Variants in KRT28 observed in about 807,000 individuals in gnomAD.
KRT28 encodes the protein keratin 28, also known as keratin, type I cytoskeletal 28.
Under a neutral mutation model 48.1 loss-of-function variants are expected in KRT28, and 45 were observed. The ratio of observed to expected loss-of-function variants is 0.94; its 90% CI spans 0.74 to 1.20. The LOEUF (loss-of-function observed/expected upper bound fraction) is 1.20. KRT28 is among the 50% of genes most tolerant of loss of function. The pLI is 0.00. For synonymous variants in KRT28, 228 were observed against 227.4 expected (o/e 1.00, Z -0.03); for missense variants, 571 against 574.1 (o/e 0.99, Z 0.06).
chr17:40,792,593 A>C, intron 7 of KRT28, 24 bp from the exon 8 acceptor site: 1 of 1,572,088 alleles, frequency 6.4e-7, no homozygotes, highest in Non-Finnish European at 8.6e-7. Context: ...ATAGGCATAC[A>C]TATATTCAAC....
chr17:40,794,968 A>G (rs1904578912), intron 5 of KRT28, among the ~76,000 whole-genome samples: 1 of 152,252 alleles, frequency 6.6e-6, no homozygotes, highest in African/African-American at 2.4e-5. Flanking sequence ...TTTACCTAGT[A>G]AATACATTTT....
chr17:40,798,932 T>G lies in KRT28; in HGVS notation c.518A>C (p.Asp173Ala), dbSNP rs760530871. 3 of 1,605,146 alleles carry G rather than the reference T, an allele frequency of 1.9e-6. No individual in the cohort carries two copies. The African/African-American group carries it at 4.0e-5, about 21-fold the overall frequency. Residue 173 changes from aspartate to alanine, a missense_variant, in exon 2 of 8, where the codon GAT (aspartate) becomes GCT (alanine). Physicochemically the swap from Asp to Ala is moderately radical, Grantham distance 126 (BLOSUM62 -2). Transcript: ENST00000306658. The part of the protein sequence containing the change: ...LQIDNARLAA[D>A]DFRLKYENEL... ...TGTCACTTACTTTAGCCTGAAATCA[T>G]CAGCAGCCAGTCTGGCATTATCAAT...
rs1198821641 is a variant in KRT28 at position 40,797,219 on chromosome 17, C to A, written c.753G>T (p.Pro251=). Residue 251 remains proline (P), a synonymous_variant, in exon 4 of 8, where the codon CCG becomes CCT. Transcript: ENST00000306658. ...GNVNVEMNAA[P]GVDLAVLLNN... ...TCAACAAAACCGCGAGGTCTACCCCCGGGGCCGCGTTCATCTCCACGTTCA... is the reference window on the plus strand; with the variant it reads ...TCAACAAAACCGCGAGGTCTACCCCAGGGGCCGCGTTCATCTCCACGTTCA... 2 of 1,614,068 alleles carry A rather than the reference C, an allele frequency of 1.2e-6. No homozygotes were observed. Among genetic ancestry groups the A allele is most frequent in the African/African-American group, 2.7e-5 (2 of 74,914 alleles).
In KRT28 at chr17:40,798,218, G is replaced by A. The variant is rs1207144045; in HGVS notation, c.690+17C>T. 4 of 1,593,012 alleles carry A rather than the reference G, an allele frequency of 2.5e-6. No individual in the cohort carries two copies. Among genetic ancestry groups the A allele is most frequent in the Non-Finnish European group, 2.6e-6 (3 of 1,162,504 alleles). ...TGTACAGAGTTGTGATTGGACTACA[G>A]GTAAAGCTTCTCCTACCTCTTCGTG... On this transcript the variant is annotated intron_variant, in intron 3 of 7. Coordinates refer to ENST00000306658, the MANE Select transcript of KRT28 (RefSeq NM_181535.3).
rs761689502 is a variant in KRT28, at chr17:40,792,412, T to C, written c.*15A>G. 1 of 1,600,978 alleles carries C rather than the reference T, an allele frequency of 6.2e-7. No individual in the cohort carries two copies. Among genetic ancestry groups the C allele is most frequent in the East Asian group, 2.2e-5 (1 of 44,636 alleles). The stretch of plus-strand genomic sequence containing the variant: ...AGGATCCTTTCCCAAATTATTCTTT[T>C]CTCTAAAATGACAGCTAGAAAGGAA... On this transcript the variant is annotated 3_prime_UTR_variant, in exon 8 of 8. Transcript: ENST00000306658.
Position 40,797,225 on chromosome 17 carries a change from C to T in KRT28, c.747G>A (p.Ala249=). ...AGGNVNVEMN[A]APGVDLAVLL... is the part of the protein sequence containing the mutation. ...AAACCGCGAGGTCTACCCCCGGGGC[C>T]GCGTTCATCTCCACGTTCACGTTGC... The change falls in exon 4 of 8, where the codon GCG becomes GCA. Residue 249 remains alanine (A), a synonymous_variant. Coordinates refer to ENST00000306658, the MANE Select transcript of KRT28 (RefSeq NM_181535.3). 1 of 1,614,132 alleles carries T rather than the reference C, an allele frequency of 6.2e-7. No individual in the cohort carries two copies. The highest frequency in any genetic ancestry group is 8.5e-7 in the Non-Finnish European group (1 of 1,180,026).
chr17:40,792,590 T>A, intron 7 of KRT28, 21 bp from the exon 8 acceptor site: 2 of 1,580,648 alleles, frequency 1.3e-6, no homozygotes, highest in Non-Finnish European at 1.7e-6. Context: ...AACATAGGCA[T>A]ACATATATTC....
In KRT28 at chr17:40,793,174, G is replaced by T. The variant is rs777612768; in HGVS notation, c.1233C>A (p.Ser411Arg). The T allele has an allele frequency of 1.9e-6, 3 of 1,566,340 alleles. No individual in the cohort carries two copies. The highest frequency in any genetic ancestry group is 2.6e-6 in the Non-Finnish European group (3 of 1,156,530). The change falls in exon 7 of 8, where the codon AGC becomes AGA. Residue 411 changes from serine (S) to arginine (R), a missense_variant. Coordinates refer to ENST00000306658, the MANE Select transcript of KRT28 (RefSeq NM_181535.3). ...TATTACCTTTAGATGAATTCCCAGGGCTTCCTGATCCAAAGCCCTTTGATT... is the reference window on the plus strand; with the variant it reads ...TATTACCTTTAGATGAATTCCCAGGTCTTCCTGATCCAAAGCCCTTTGATT... ...CSKSKGFGSG[S>R]PGNSSKDLSK...
In KRT28 at chr17:40,799,458, C is replaced by T. The variant is rs956787757; in HGVS notation, c.436G>A (p.Asp146Asn). ...TGATTTCTCACCTTATTCTTAAGAT[C>T]CTCAATTGTTAGGTGATATCTGCTA... ...DYSRYHLTIE[D>N]LKNKIISSTT... The change falls in exon 1 of 8, where the codon GAT (aspartate) becomes AAT (asparagine). Residue 146 changes from aspartate (D) to asparagine (N), a missense_variant. Asp to Asn is a conservative substitution (Grantham distance 23). Coordinates refer to ENST00000306658, the MANE Select transcript of KRT28 (RefSeq NM_181535.3). 3.1e-6 allele frequency: 5 copies of T among 1,603,016 alleles called. No homozygotes were observed. In the African/African-American group the frequency reaches 5.4e-5, roughly 17 times the overall value.
intron 2 of KRT28, 62 bp from the exon 3 acceptor site, chr17:40,798,453 C>A (rs1904673252): frequency 4.6e-6 from 7 of 1,523,424 alleles, no homozygotes; most frequent in Non-Finnish European, 5.3e-6. Flanking sequence ...CAGAAATATT[C>A]AATCCCAATT....
Position 40,799,474 on chromosome 17 carries a change from A to G in KRT28, c.420T>C (p.Tyr140=), listed in dbSNP as rs1199254649. The G allele has an allele frequency of 6.2e-7, 1 of 1,610,258 alleles. No individual in the cohort carries two copies. ...CRGLDHDYSR[Y]HLTIEDLKNK... ...TCTTAAGATCCTCAATTGTTAGGTG[A>G]TATCTGCTATAGTCATGATCAAGTC... Residue 140 remains tyrosine (Y), a synonymous_variant, in exon 1 of 8, where the codon TAT becomes TAC. Coordinates refer to ENST00000306658, the MANE Select transcript of KRT28 (RefSeq NM_181535.3).
In KRT28 at chr17:40,798,996, T is replaced by C. The variant is rs1348728742; in HGVS notation, c.454A>G (p.Ile152Val). Residue 152 changes from isoleucine (I) to valine (V), a missense_variant, in exon 2 of 8, where the codon ATC becomes GTC. Transcript: ENST00000306658. ...LTIEDLKNKI[I>V]SSTTTNANVI... ...TTAGCATTAGTAGTAGTGGAGGAGATAATCTAGAATAAACCAAAACAGAGA... is the reference window on the plus strand; with the variant it reads ...TTAGCATTAGTAGTAGTGGAGGAGACAATCTAGAATAAACCAAAACAGAGA... 1.3e-6 allele frequency: 2 copies of C among 1,581,204 alleles called. No homozygotes were observed. The highest frequency in any genetic ancestry group is 3.4e-5 in the Admixed American group (2 of 58,156).
intron 5 of KRT28, among the ~76,000 whole-genome samples, chr17:40,796,347 A>G (rs1313369383): frequency 6.6e-6 from 1 of 152,238 alleles, no homozygotes; most frequent in African/African-American, 2.4e-5. Context: ...GGTATGCCCA[A>G]GTGGCTGAAG....
At chr17:40,794,630 A>G (rs1427569559) in intron 5 of KRT28, among the ~76,000 whole-genome samples, 2 of 152,162 alleles carry the variant, frequency 1.3e-5, no homozygotes, top group Non-Finnish European at 2.9e-5. Flanking sequence ...AACACAATAC[A>G]GGTCATTATT....
chr17:40,798,949 A>G lies in KRT28; in HGVS notation c.501T>C (p.Asn167=). ...TGAAATCATCAGCAGCCAGTCTGGC[A>G]TTATCAATCTGCAGAATGACATTAG... ...TNANVILQID[N]ARLAADDFRL... is the part of the protein sequence containing the mutation. The change falls in exon 2 of 8, where the codon AAT becomes AAC. Residue 167 remains asparagine (N), a synonymous_variant. Transcript: ENST00000306658. 1 of 1,609,158 alleles carries G rather than the reference A, an allele frequency of 6.2e-7. No individual in the cohort carries two copies.
Position 40,798,382 on chromosome 17 carries a change from AT to A in KRT28, c.542del (p.Asn181MetfsTer9). The part of the protein sequence containing the change: ...AADDFRLKYE[N>X]ELTLHQNVEA... ...CTACGTTTTGGTGAAGGGTGAGCTC[AT>A]TTTCATACCTTGGGGGGCATTTAAG... is the stretch of plus-strand genomic sequence containing the variant. On this transcript the variant is annotated frameshift_variant, in exon 3 of 8. Transcript: ENST00000306658. LOFTEE classifies it high-confidence loss of function. The A allele has an allele frequency of 6.2e-7, 1 of 1,604,492 alleles. No homozygotes were observed.
chr17:40,793,902 G>A lies in KRT28; in HGVS notation c.1123C>T (p.His375Tyr). Reference protein sequence around the residue: ...ETEGQKLEYEHLLDVKVHLEK... With the variant: ...ETEGQKLEYEYLLDVKVHLEK... ...AAGTGGACCTTGACATCGAGGAGATGCTCATACTCCAGCTTCTGGCCCTCG... is the reference window on the plus strand; with the variant it reads ...AAGTGGACCTTGACATCGAGGAGATACTCATACTCCAGCTTCTGGCCCTCG... The change falls in exon 6 of 8, where the codon CAT becomes TAT. Residue 375 changes from histidine (H) to tyrosine (Y), a missense_variant. Coordinates refer to ENST00000306658, the MANE Select transcript of KRT28 (RefSeq NM_181535.3). 1 of 1,613,960 alleles carries A rather than the reference G, an allele frequency of 6.2e-7. No individual in the cohort carries two copies. The highest frequency in any genetic ancestry group is 1.1e-5 in the South Asian group (1 of 91,060).
intron 5 of KRT28, among the ~76,000 whole-genome samples, chr17:40,796,326 C>G (rs531259380): frequency 6.6e-6 from 1 of 152,224 alleles, no homozygotes; most frequent in Non-Finnish European, 1.5e-5. Flanking sequence ...TGAAGTAAGC[C>G]AGGAGCTGGT....
At position 40,797,052 on chromosome 17, in the gene KRT28, G is replaced by C; in HGVS notation, c.853-11C>G. On this transcript the variant is annotated splice_polypyrimidine_tract_variant and intron_variant, in intron 4 of 7. Coordinates refer to ENST00000306658, the MANE Select transcript of KRT28 (RefSeq NM_181535.3). ...CTGCAGCGAGGCGCTCTGTAGGGCC[G>C]GGAAAAAGGGTCACACGGAGTCCCC... 3.1e-6 allele frequency: 5 copies of C among 1,609,596 alleles called. No homozygotes were observed. Among genetic ancestry groups the C allele is most frequent in the Non-Finnish European group, 3.4e-6 (4 of 1,177,598 alleles).
Sources: gnomAD v4.1 joint callset for allele counts (sites outside exome capture counted in the v4.1 genomes callset) on GRCh38, gnomAD v4.1.1 for gene constraint, MANE v1.5 for transcripts, NCBI Gene and HGNC (gene_info 2026-07-23, HGNC 2026-07-21) for gene names.